TRIM24: variants seen among roughly 807,000 people sequenced by gnomAD.
The protein encoded by TRIM24 is transcription intermediary factor 1-alpha.
Under a neutral mutation model 123.9 loss-of-function variants are expected in TRIM24, and 29 were observed. The ratio of observed to expected loss-of-function variants is 0.23; its 90% CI spans 0.17 to 0.32. The LOEUF (loss-of-function observed/expected upper bound fraction) is 0.32, where lower values mean the gene tolerates loss of function less well. TRIM24 is among the 10% of genes least tolerant of loss of function. TRIM24 has a pLI of 1.00. For synonymous variants in TRIM24, 456 were observed against 461.1 expected, an observed-to-expected ratio of 0.99 and a Z score of 0.14; for missense variants, 932 against 1,295.3, an observed-to-expected ratio of 0.72 and a Z score of 4.31.
At chr7:138,467,269 G>A (rs774171706) in intron 1 of TRIM24, among the ~76,000 whole-genome samples, 2 of 152,124 alleles carry the variant, frequency 1.3e-5, no homozygotes, top group Non-Finnish European at 2.9e-5. Flanking sequence ...ACAAAAGTCT[G>A]TCATGGTTTT....
In TRIM24 at chr7:138,503,462, AT is replaced by A. The variant is rs201284683; in HGVS notation, c.365-819del. ...ATATTTTTGTTGCTATTGTAAAAAA[AT>A]TTTTTTTTCATTAAATGTTTGTTTG... On this transcript the variant is annotated intron_variant, in intron 1 of 18. Transcript: ENST00000343526. 9.3e-3 allele frequency among the ~76,000 whole-genome samples: 1,402 copies of A among 151,488 alleles called. 11 individuals carry two copies. Among genetic ancestry groups the A allele is most frequent in the Non-Finnish European group, 0.016 (1,086 of 67,852 alleles).
chr7:138,541,590 G>A (rs1317342614), intron 7 of TRIM24, among the ~76,000 whole-genome samples: 1 of 152,134 alleles, frequency 6.6e-6, no homozygotes, highest in Non-Finnish European at 1.5e-5. Context: ...GATAATTCTT[G>A]AGGGCCCTAG....
rs1797265061 is a variant in TRIM24 at position 138,554,018 on chromosome 7, C to T, written c.1262-680C>T. Reference sequence around the variant, plus strand: ...CACTTAGCACCCTCCCGCTAGCAACCTCCATGTGGCAACCTTCATTTAACA... The same window carrying T: ...CACTTAGCACCCTCCCGCTAGCAACTTCCATGTGGCAACCTTCATTTAACA... On this transcript the variant is annotated intron_variant, in intron 8 of 18. Coordinates refer to ENST00000343526, the MANE Select transcript of TRIM24 (RefSeq NM_015905.3). This position sits in a 1 kb window ranked among gnomAD's most constrained non-coding sequence, Gnocchi z 4.5. Among the ~76,000 whole-genome samples the T allele has an allele frequency of 6.6e-6, 1 of 152,208 alleles. No homozygotes were observed. Among genetic ancestry groups the T allele is most frequent in the Admixed American group, 6.5e-5 (1 of 15,274 alleles).
Position 138,501,899 on chromosome 7 carries a change from C to CAAAAAA in TRIM24, c.365-2391_365-2390insAAAAAA, listed in dbSNP as rs377018923. On this transcript the variant is annotated intron_variant, in intron 1 of 18. Coordinates refer to ENST00000343526, the MANE Select transcript of TRIM24 (RefSeq NM_015905.3). ...CAAGACTCCGTCTCAAAAAAAAAAACCAGTAGCAACAACAACAAAAAACCG... is the reference window on the plus strand; with the variant it reads ...CAAGACTCCGTCTCAAAAAAAAAAACAAAAAACAGTAGCAACAACAACAAAAAACCG... Among the ~76,000 whole-genome samples the CAAAAAA allele has an allele frequency of 5.1e-3, 764 of 149,758 alleles. 9 individuals are homozygous for CAAAAAA. The highest frequency in any genetic ancestry group is 0.017 in the African/African-American group (701 of 40,564).
intron 1 of TRIM24, among the ~76,000 whole-genome samples, chr7:138,466,241 C>T (rs1045735937): frequency 2.0e-5 from 3 of 152,106 alleles, no homozygotes; most frequent in Non-Finnish European, 2.9e-5. Flanking sequence ...GTGATCCACC[C>T]GCCTCGGCCT....
intron 1 of TRIM24, among the ~76,000 whole-genome samples, chr7:138,488,272 T>G (rs1323441487): frequency 6.6e-6 from 1 of 152,066 alleles, no homozygotes; most frequent in Non-Finnish European, 1.5e-5. Flanking sequence ...CTATCTATTT[T>G]GTTGATCTTT....
chr7:138,524,963 A>G (rs1033195573), intron 4 of TRIM24, among the ~76,000 whole-genome samples: 1 of 152,088 alleles, frequency 6.6e-6, no homozygotes, highest in Non-Finnish European at 1.5e-5. Context: ...TTTTTTGCCA[A>G]GTCCACCAAG....
chr7:138,579,292 C>T lies in TRIM24; in HGVS notation c.2345C>T (p.Ala782Val). Residue 782 changes from alanine (A) to valine (V), a missense_variant, in exon 15 of 19, where the codon GCC (alanine) becomes GTC (valine). Ala to Val is a moderately conservative substitution (Grantham distance 64, BLOSUM62 0). Around this residue, in one of 7 missense-constraint regions of TRIM24, gnomAD observed 527 missense variants for 691.3 expected, o/e 0.76. Coordinates refer to ENST00000343526, the MANE Select transcript of TRIM24 (RefSeq NM_015905.3). ...GAGGAGACTGTGCTAAGATCAGATG[C>T]CCCTGATAGTACAGGAGATCAACCT... ...TSEETVLRSD[A>V]PDSTGDQPGL... 1.9e-6 allele frequency: 3 copies of T among 1,614,110 alleles called. No homozygotes were observed. The highest frequency in any genetic ancestry group is 1.1e-5 in the South Asian group (1 of 91,078).
chr7:138,567,589 C>T lies in TRIM24; in HGVS notation c.1639C>T (p.Pro547Ser). The change falls in exon 10 of 19, where the codon CCA becomes TCA. Residue 547 changes from proline (P) to serine (S), a missense_variant. Coordinates refer to ENST00000343526, the MANE Select transcript of TRIM24 (RefSeq NM_015905.3). Reference sequence around the variant, plus strand: ...GAGATATCCACCAAACCAGAACATACCACGACAAGCAATAAAGCCAAACCC... The same window carrying T: ...GAGATATCCACCAAACCAGAACATATCACGACAAGCAATAAAGCCAAACCC... Reference protein sequence around the residue: ...QLRYPPNQNIPRQAIKPNPLQ... With the variant: ...QLRYPPNQNISRQAIKPNPLQ... 11 of 1,613,830 alleles carry T rather than the reference C, an allele frequency of 6.8e-6. No individual in the cohort carries two copies. The highest frequency in any genetic ancestry group is 9.3e-6 in the Non-Finnish European group (11 of 1,179,888).
At chr7:138,479,233 T>C (rs1362934314) in intron 1 of TRIM24, among the ~76,000 whole-genome samples, 1 of 152,208 alleles carries the variant, frequency 6.6e-6, no homozygotes. Context: ...ACAATTAACA[T>C]ATTAAGTGAA....
At chr7:138,533,988 C>G (rs1796808856) in intron 6 of TRIM24, among the ~76,000 whole-genome samples, 1 of 152,114 alleles carries the variant, frequency 6.6e-6, no homozygotes, top group Non-Finnish European at 1.5e-5. Context: ...TCTAAATTTT[C>G]TAGTTTATTT....
At chr7:138,581,378 G>A (rs1310789370) in intron 16 of TRIM24, among the ~76,000 whole-genome samples, 2 of 152,158 alleles carry the variant, frequency 1.3e-5, no homozygotes, top group Non-Finnish European at 2.9e-5. Flanking sequence ...TCCACCTCCA[G>A]TTCTCCTAAG....
rs563952630 is a variant in TRIM24 at position 138,463,664 on chromosome 7, C to T, written c.364+2752C>T. Among the ~76,000 whole-genome samples, 9 of 152,240 alleles carry T rather than the reference C, an allele frequency of 5.9e-5. No individual in the cohort carries two copies. In the South Asian group the frequency reaches 1.0e-3, roughly 18 times the overall value. On this transcript the variant is annotated intron_variant, in intron 1 of 18. Transcript: ENST00000343526. ...GACTTGAATTAATGAGAACATGGGT[C>T]GTAAAGTTATCATCCTCAATTCTGA...
chr7:138,531,917 G>C lies in TRIM24; in HGVS notation c.996+2687G>C, dbSNP rs1339376513. 3.9e-5 allele frequency among the ~76,000 whole-genome samples: 6 copies of C among 152,190 alleles called. No homozygotes were observed. In the South Asian group the frequency reaches 6.2e-4, roughly 16 times the overall value. On this transcript the variant is annotated intron_variant, in intron 6 of 18. Transcript: ENST00000343526. ...TTTTTAATGATGGCCATTCTAACTG[G>C]TGTGAGCTGGTATCTCATTGTGGTT...
intron 4 of TRIM24, among the ~76,000 whole-genome samples, chr7:138,524,894 G>A (rs926418933): frequency 1.3e-5 from 2 of 151,942 alleles, no homozygotes; most frequent in Admixed American, 6.6e-5. Flanking sequence ...TTTTCAGCAG[G>A]CTTGCATAAT....
chr7:138,476,335 C>G (rs1280029194), intron 1 of TRIM24, among the ~76,000 whole-genome samples: 4 of 152,204 alleles, frequency 2.6e-5, no homozygotes, highest in Non-Finnish European at 4.4e-5. Flanking sequence ...TGGCTCACGC[C>G]TGTAATCCCA....
chr7:138,526,401 T>C (rs1395305219), intron 5 of TRIM24, among the ~76,000 whole-genome samples: 3 of 152,192 alleles, frequency 2.0e-5, no homozygotes, highest in African/African-American at 7.2e-5. Context: ...TTAGTTTTTC[T>C]TGTTATCAGC....
Position 138,557,740 on chromosome 7 carries a change from T to C in TRIM24, c.1530+2774T>C, listed in dbSNP as rs1797344422. On this transcript the variant is annotated intron_variant, in intron 9 of 18. Transcript: ENST00000343526. ...CCACCTTCCTGGGCTATGAGACTAG[T>C]CTAAAGCCAGTCTATTTTGAGAAAT... Among the ~76,000 whole-genome samples, 5 of 152,334 alleles carry C rather than the reference T, an allele frequency of 3.3e-5. 2 individuals carry two copies. The South Asian group carries it at 1.0e-3, about 32-fold the overall frequency.
At chr7:138,578,556 GTGTGTGTGCGCGCA>G in intron 14 of TRIM24, among the ~76,000 whole-genome samples, 1 of 131,306 alleles carries the variant, frequency 7.6e-6, no homozygotes, top group Non-Finnish European at 1.7e-5. Flanking sequence ...GTGTGTGTGT[GTGTGTGTGCGCGCA>G]CGCACGAATG....
Sources: allele counts gnomAD v4.1 joint callset (sites outside exome capture counted in the v4.1 genomes callset), GRCh38; gene constraint gnomAD v4.1.1; regional missense constraint gnomAD v4.1.1; non-coding constraint Gnocchi (gnomAD v3.1); transcripts MANE v1.5; gene names NCBI Gene and HGNC (gene_info 2026-07-23, HGNC 2026-07-21).